ZFHX3: variants seen among roughly 807,000 people sequenced by gnomAD.
ZFHX3 encodes the protein zinc finger homeobox protein 3.
Under a neutral mutation model 279.1 loss-of-function variants are expected in ZFHX3, and 42 were observed. That is an observed-to-expected ratio of 0.15 (90% confidence interval 0.12 to 0.19). ZFHX3 has a LOEUF of 0.19. ZFHX3 is among the 10% of genes least tolerant of loss of function. The pLI, the probability that ZFHX3 is intolerant of heterozygous loss-of-function variation, is 1.00. For synonymous variants in ZFHX3, 2,293 were observed against 1,957.8 expected (o/e 1.17, Z -4.52); for missense variants, 4,981 against 4,754.0 (o/e 1.05, Z -1.40).
At chr16:73,728,624 C>A (rs983874357) in intron 1 of ZFHX3, among the ~76,000 whole-genome samples, 2 of 152,062 alleles carry the variant, frequency 1.3e-5, no homozygotes, top group Admixed American at 1.3e-4. Context: ...AACATCTTGG[C>A]TTTGCATTCA....
intron 4 of ZFHX3, among the ~76,000 whole-genome samples, chr16:72,872,099 A>G (rs1262922786): frequency 2.4e-5 from 2 of 83,394 alleles, no homozygotes; most frequent in Non-Finnish European, 4.8e-5. Context: ...TCCAAAAACA[A>G]AAAACAAAAA....
intron 2 of ZFHX3, among the ~76,000 whole-genome samples, chr16:73,476,375 C>T (rs76002941): frequency 0.089 from 13,462 of 152,112 alleles, 779 homozygotes; most frequent in South Asian, 0.15. Flanking sequence ...CACTGCAGAA[C>T]GTGTAGGTTG....
chr16:73,056,186 C>T (rs577704363), intron 1 of ZFHX3, among the ~76,000 whole-genome samples: 48 of 152,282 alleles, frequency 3.2e-4, no homozygotes, highest in African/African-American at 1.0e-3. Context: ...AAATCCTCTT[C>T]GTACACCATT....
At chr16:73,076,135 A>G (rs1044661135) in intron 8 of ZFHX3, among the ~76,000 whole-genome samples, 6 of 152,206 alleles carry the variant, frequency 3.9e-5, no homozygotes, top group African/African-American at 9.7e-5. Flanking sequence ...GCAGGTATAA[A>G]GTGTCTAGCA....
chr16:73,783,449 C>A (rs1289683814), intron 1 of ZFHX3, among the ~76,000 whole-genome samples: 8 of 152,152 alleles, frequency 5.3e-5, no homozygotes, highest in Non-Finnish European at 1.2e-4. Flanking sequence ...TCTGGAGAAC[C>A]CCATCTAAGG....
intron 5 of ZFHX3, among the ~76,000 whole-genome samples, chr16:73,225,558 C>T (rs953804306): frequency 1.3e-5 from 2 of 151,808 alleles, no homozygotes; most frequent in African/African-American, 2.4e-5. Flanking sequence ...CAACTGCCTT[C>T]CAGCTTGGGT....
intron 5 of ZFHX3, among the ~76,000 whole-genome samples, chr16:73,198,820 C>T (rs182495454): frequency 2.0e-5 from 3 of 152,306 alleles, no homozygotes; most frequent in Admixed American, 6.5e-5. Flanking sequence ...GCAAAGCCAA[C>T]GGCACTGGAT....
intron 1 of ZFHX3, among the ~76,000 whole-genome samples, chr16:73,031,692 C>T (rs1026330716): frequency 2.0e-5 from 3 of 152,304 alleles, no homozygotes; most frequent in South Asian, 2.1e-4. Flanking sequence ...GCAAACAGAA[C>T]GAGCTGGGCC....
chr16:73,473,353 A>AC (rs1567494412), intron 2 of ZFHX3, among the ~76,000 whole-genome samples: 2 of 49,472 alleles, frequency 4.0e-5, no homozygotes, highest in African/African-American at 1.5e-4. Context: ...AAAAAAAAAA[A>AC]AAAACAAAAA....
chr16:73,424,521 G>T (rs576333238), intron 3 of ZFHX3, among the ~76,000 whole-genome samples: 2 of 152,166 alleles, frequency 1.3e-5, no homozygotes, highest in African/African-American at 4.8e-5. Flanking sequence ...CAGGTGGGAG[G>T]TTCACTTGAG....
intron 3 of ZFHX3, among the ~76,000 whole-genome samples, chr16:72,928,829 G>C (rs1959633500): frequency 6.6e-6 from 1 of 152,190 alleles, no homozygotes; most frequent in Admixed American, 6.5e-5. Flanking sequence ...GGGTGTGGTG[G>C]TATGTGCCTG....
intron 4 of ZFHX3, among the ~76,000 whole-genome samples, chr16:73,291,367 C>T (rs185098810): frequency 2.2e-4 from 33 of 152,272 alleles, no homozygotes; most frequent in Admixed American, 1.1e-3. Context: ...AAAAAGCTCT[C>T]GGAGTTTCCA....
At chr16:73,543,436 A>C (rs143058519) in intron 2 of ZFHX3, among the ~76,000 whole-genome samples, 2,194 of 152,128 alleles carry the variant, frequency 0.014, 26 homozygotes, top group Non-Finnish European at 0.02. Flanking sequence ...TTTCCTTGTG[A>C]CCTGGAGGAA....
chr16:73,507,822 G>A (rs189868403), intron 2 of ZFHX3, among the ~76,000 whole-genome samples: 1 of 152,080 alleles, frequency 6.6e-6, no homozygotes, highest in Non-Finnish European at 1.5e-5. Context: ...TTACCTGGGA[G>A]ATTACAGACA....
intron 3 of ZFHX3, among the ~76,000 whole-genome samples, chr16:72,947,415 C>G (rs548005540): frequency 6.6e-6 from 1 of 152,208 alleles, no homozygotes; most frequent in Admixed American, 6.5e-5. Flanking sequence ...TTCACTCTTA[C>G]AGCAATCTAC....
At chr16:73,354,224 A>C (rs2016296236) in intron 3 of ZFHX3, among the ~76,000 whole-genome samples, 1 of 152,234 alleles carries the variant, frequency 6.6e-6, no homozygotes. Context: ...CTGAAATTCA[A>C]ACTGAACTGG....
At chr16:73,822,490 T>A (rs192486484) in intron 1 of ZFHX3, among the ~76,000 whole-genome samples, 44 of 152,204 alleles carry the variant, frequency 2.9e-4, no homozygotes, top group South Asian at 2.7e-3. Flanking sequence ...TTTCTCAGGT[T>A]GACTGTCATT....
chr16:72,908,635 C>A (rs1287121879), intron 3 of ZFHX3, among the ~76,000 whole-genome samples: 1 of 152,170 alleles, frequency 6.6e-6, no homozygotes, highest in Non-Finnish European at 1.5e-5. Context: ...CCGCTGGTGC[C>A]AGCTGCATCC....
chr16:73,768,487 C>T (rs2053979618), intron 1 of ZFHX3, among the ~76,000 whole-genome samples: 1 of 152,120 alleles, frequency 6.6e-6, no homozygotes, highest in Non-Finnish European at 1.5e-5. Flanking sequence ...CTAAGCTAGA[C>T]CTGAAATCCT....
Sources: gnomAD v4.1 joint callset for allele counts (sites outside exome capture counted in the v4.1 genomes callset) on GRCh38, gnomAD v4.1.1 for gene constraint, MANE v1.5 for transcripts, NCBI Gene and HGNC (gene_info 2026-07-23, HGNC 2026-07-21) for gene names.